IFNGR2: variants seen among roughly 807,000 people sequenced by gnomAD.
IFNGR2 encodes the protein IFN-gamma receptor 2.
In IFNGR2, 15 loss-of-function variants were observed where a neutral mutation model predicts 41.1. The observed-to-expected ratio is 0.37, with a 90% CI of 0.24 to 0.56. IFNGR2 has a LOEUF of 0.56. IFNGR2 is among the 20% of genes least tolerant of loss of function. The pLI is 0.81. For synonymous variants in IFNGR2, 161 were observed against 171.6 expected (o/e 0.94, Z 0.48); for missense variants, 362 against 415.7 (o/e 0.87, Z 1.12).
Position 33,421,281 on chromosome 21 carries a change from A to G in IFNGR2, c.207-199A>G, listed in dbSNP as rs13051491. Among the ~76,000 whole-genome samples, 66,517 of 146,714 alleles carry G rather than the reference A, an allele frequency of 0.45. 16,187 individuals carry two copies. Among genetic ancestry groups the G allele is most frequent in the Non-Finnish European group, 0.55 (36,979 of 67,218 alleles). ...CAGGAGGTGGAGGTTGCTGTGAGCC[A>G]AGATTGCGCTACTGCACTCCAGCCT... On this transcript the variant is annotated intron_variant, in intron 2 of 6. Transcript: ENST00000290219.
At chr21:33,403,988 G>A (rs751084179) in intron 1 of IFNGR2, among the ~76,000 whole-genome samples, 55 of 152,266 alleles carry the variant, frequency 3.6e-4, no homozygotes, top group Non-Finnish European at 6.2e-4. Context: ...GTGCCCCTCC[G>A]TGAAGCCGGT....
intron 3 of IFNGR2, among the ~76,000 whole-genome samples, chr21:33,424,782 C>T (rs1185415787): frequency 1.3e-5 from 2 of 152,196 alleles, no homozygotes; most frequent in African/African-American, 4.8e-5. Context: ...CGCTCTGTCG[C>T]CCAGGCTGGA....
chr21:33,422,062 A>G (rs1174534537), intron 3 of IFNGR2, among the ~76,000 whole-genome samples: 1 of 152,240 alleles, frequency 6.6e-6, no homozygotes, highest in African/African-American at 2.4e-5. Context: ...CTTTACTGAA[A>G]AAGTTTGCCA....
Position 33,432,309 on chromosome 21 carries a change from A to G in IFNGR2, c.694A>G (p.Ile232Val), listed in dbSNP as rs750062777. Residue 232 changes from isoleucine to valine, a missense_variant, in exon 5 of 7, where the codon ATA (isoleucine) becomes GTA (valine). By Grantham distance (29) the Ile-to-Val change is conservative. Coordinates refer to ENST00000290219, the MANE Select transcript of IFNGR2 (RefSeq NM_005534.4). The part of the protein sequence containing the change: ...NIFRVGHLSN[I>V]SCYETMADAS... ...CTTTAGAGTCGGGCATTTAAGCAACATATCTTGCTACGAAACAATGGCAGA... is the reference window on the plus strand; with the variant it reads ...CTTTAGAGTCGGGCATTTAAGCAACGTATCTTGCTACGAAACAATGGCAGA... The G allele has an allele frequency of 5.6e-6, 9 of 1,614,190 alleles. No homozygotes were observed. The highest frequency in any genetic ancestry group is 2.2e-5 in the East Asian group (1 of 44,890).
At chr21:33,411,181 A>G (rs2083713085) in intron 1 of IFNGR2, among the ~76,000 whole-genome samples, 1 of 152,260 alleles carries the variant, frequency 6.6e-6, no homozygotes, top group Admixed American at 6.5e-5. Context: ...AGGCAGAACA[A>G]TGTTGCTTGG....
In IFNGR2 at chr21:33,422,986, A is replaced by ATTCAGTTG. The variant is rs1382155820; in HGVS notation, c.412+1302_412+1309dup. 4.8e-5 allele frequency among the ~76,000 whole-genome samples: 7 copies of ATTCAGTTG among 147,010 alleles called. No homozygotes were observed. In the East Asian group the frequency reaches 1.2e-3, roughly 26 times the overall value. On this transcript the variant is annotated intron_variant, in intron 3 of 6. Transcript: ENST00000290219. ...AAAATTGGCCATAAGTTGACAGTTG[A>ATTCAGTTG]TTCAGTTGGGTAATTAGTACATGAG...
chr21:33,432,297 C>T lies in IFNGR2; in HGVS notation c.682C>T (p.His228Tyr), dbSNP rs2083896518. Residue 228 changes from histidine (H) to tyrosine (Y), a missense_variant, in exon 5 of 7, where the codon CAT (histidine) becomes TAT (tyrosine). By Grantham distance (83) the His-to-Tyr change is moderately conservative (BLOSUM62 2). Coordinates refer to ENST00000290219, the MANE Select transcript of IFNGR2 (RefSeq NM_005534.4). ...WNKSNIFRVG[H>Y]LSNISCYETM... is the part of the protein sequence containing the mutation. ...CAAAAGTAACATCTTTAGAGTCGGG[C>T]ATTTAAGCAACATATCTTGCTACGA... 6.2e-7 allele frequency: 1 copy of T among 1,613,902 alleles called. No homozygotes were observed. The highest frequency in any genetic ancestry group is 1.3e-5 in the African/African-American group (1 of 74,924).
chr21:33,409,659 A>G (rs567041994), intron 1 of IFNGR2, among the ~76,000 whole-genome samples: 3 of 152,254 alleles, frequency 2.0e-5, no homozygotes, highest in Non-Finnish European at 4.4e-5. Flanking sequence ...TTCTGTAAAG[A>G]ACTAGACAGT....
At chr21:33,411,011 A>G in intron 1 of IFNGR2, 1 of 774,388 alleles carries the variant, frequency 1.3e-6, no homozygotes, top group East Asian at 2.7e-5. Flanking sequence ...CCTGGAACAC[A>G]GAGGCTGGGC....
Position 33,428,118 on chromosome 21 carries a change from A to G in IFNGR2, c.561+1086A>G, listed in dbSNP as rs367585224. The stretch of plus-strand genomic sequence containing the variant: ...CAGGTCAGCAGCGAATCACTGGCAG[A>G]GCAGAGCAGAGCAGAGATGCCTAGC... On this transcript the variant is annotated intron_variant, in intron 4 of 6. Coordinates refer to ENST00000290219, the MANE Select transcript of IFNGR2 (RefSeq NM_005534.4). 5.0e-4 allele frequency among the ~76,000 whole-genome samples: 76 copies of G among 151,918 alleles called. 2 individuals are homozygous for G. Among genetic ancestry groups the G allele is most frequent in the African/African-American group, 1.7e-3 (71 of 41,386 alleles).
intron 4 of IFNGR2, among the ~76,000 whole-genome samples, chr21:33,427,301 C>A (rs939205792): frequency 2.4e-4 from 37 of 152,180 alleles, no homozygotes; most frequent in African/African-American, 7.7e-4. Flanking sequence ...TGAGACTTTG[C>A]CGGTGCCCTG....
intron 3 of IFNGR2, among the ~76,000 whole-genome samples, chr21:33,426,019 C>T (rs1021325079): frequency 6.6e-6 from 1 of 152,212 alleles, no homozygotes; most frequent in Non-Finnish European, 1.5e-5. Context: ...TTGATAACCC[C>T]TCATTGATAG....
intron 4 of IFNGR2, among the ~76,000 whole-genome samples, chr21:33,429,915 G>A (rs2083871468): frequency 6.6e-6 from 1 of 152,220 alleles, no homozygotes. Flanking sequence ...GAGGCAGGCA[G>A]ATCACTTGAG....
chr21:33,421,683 A>G lies in IFNGR2; in HGVS notation c.410A>G (p.Asn137Ser), dbSNP rs750278833. Residue 137 changes from asparagine (N) to serine (S), a missense_variant and splice_region_variant, in exon 3 of 7, where the codon AAT (asparagine) becomes AGT (serine). Asn to Ser is a conservative substitution (Grantham distance 46, BLOSUM62 1). Coordinates refer to ENST00000290219, the MANE Select transcript of IFNGR2 (RefSeq NM_005534.4). ...VTMPWFQHYR[N>S]VTVGPPENIE... is the part of the protein sequence containing the mutation. ...ATGCCTTGGTTTCAACACTATCGGA[A>G]TGGTAAGAGAACTTGAGTATAGAAC... 6.2e-7 allele frequency: 1 copy of G among 1,611,770 alleles called. No homozygotes were observed. Among genetic ancestry groups the G allele is most frequent in the Non-Finnish European group, 8.5e-7 (1 of 1,177,784 alleles).
intron 1 of IFNGR2, among the ~76,000 whole-genome samples, 190 bp downstream of exon 1, chr21:33,403,806 G>GT (rs2083658429): frequency 6.6e-6 from 1 of 152,146 alleles, no homozygotes; most frequent in South Asian, 2.1e-4. Context: ...GGTGCCCCAG[G>GT]TGGGGGTCTT....
intron 1 of IFNGR2, chr21:33,411,330 C>T: frequency 2.5e-6 from 1 of 398,264 alleles, no homozygotes. Context: ...CCTCGCCACC[C>T]ACCCCGGAGC....
intron 1 of IFNGR2, chr21:33,410,830 G>A: frequency 6.5e-7 from 1 of 1,531,790 alleles, no homozygotes; most frequent in Non-Finnish European, 8.9e-7. Flanking sequence ...TAAAATTTAT[G>A]CTCAGCACAG....
intron 4 of IFNGR2, among the ~76,000 whole-genome samples, chr21:33,428,739 C>G (rs533855335): frequency 1.3e-5 from 2 of 152,364 alleles, no homozygotes; most frequent in East Asian, 3.9e-4. Context: ...GCCGGAAATG[C>G]AAGAGATAGG....
intron 1 of IFNGR2, among the ~76,000 whole-genome samples, chr21:33,409,895 C>T (rs2083704110): frequency 6.6e-6 from 1 of 152,054 alleles, no homozygotes; most frequent in African/African-American, 2.4e-5. Context: ...ACGTGTATTT[C>T]CTTCTTTAAA....
Sources: gnomAD v4.1 joint callset for allele counts (sites outside exome capture counted in the v4.1 genomes callset) on GRCh38, gnomAD v4.1.1 for gene constraint, MANE v1.5 for transcripts, NCBI Gene and HGNC (gene_info 2026-07-23, HGNC 2026-07-21) for gene names.